Variants in CEMIP observed in about 807,000 individuals in gnomAD.
CEMIP encodes the protein cell migration inducing hyaluronidase 1.
Under a neutral mutation model 156.9 loss-of-function variants are expected in CEMIP, and 105 were observed. The ratio of observed to expected loss-of-function variants is 0.67; its 90% CI spans 0.57 to 0.79. The LOEUF (loss-of-function observed/expected upper bound fraction) is 0.79, where lower values mean the gene tolerates loss of function less well. Ranked by LOEUF, CEMIP falls within the 30% of genes least tolerant of loss-of-function variation. The probability of loss-of-function intolerance (pLI) is 0.00; values close to 1 mark genes in which losing one functional copy is unlikely to be tolerated. For synonymous variants in CEMIP, 676 were observed against 668.4 expected (o/e 1.01, Z -0.17); for missense variants, 1,457 against 1,769.4 (o/e 0.82, Z 3.17).
chr15:80,922,138 G>C lies in CEMIP; in HGVS notation c.2202+1G>C, dbSNP rs1002535316. The C allele has an allele frequency of 1.1e-5, 18 of 1,614,182 alleles. No homozygotes were observed. The highest frequency in any genetic ancestry group is 1.5e-5 in the Non-Finnish European group (18 of 1,179,998). ...CAACCGAGCACATTCCAACTACCGGGTAAGTCTTTCCAGGCTGCGCCTCTC... is the reference window on the plus strand; with the variant it reads ...CAACCGAGCACATTCCAACTACCGGCTAAGTCTTTCCAGGCTGCGCCTCTC... On this transcript the variant is annotated splice_donor_variant, in intron 17 of 29. Coordinates refer to ENST00000394685, the MANE Select transcript of CEMIP (RefSeq NM_001293298.2). LOFTEE classifies it high-confidence loss of function.
intron 17 of CEMIP, among the ~76,000 whole-genome samples, chr15:80,923,560 G>C (rs765951529): frequency 6.6e-6 from 1 of 152,178 alleles, no homozygotes; most frequent in African/African-American, 2.4e-5. Context: ...GCTCATGGGT[G>C]CAGGTGGGGA....
chr15:80,782,127 A>G (rs1157407217), intron 1 of CEMIP, among the ~76,000 whole-genome samples: 1 of 152,246 alleles, frequency 6.6e-6, no homozygotes, highest in Admixed American at 6.5e-5. Flanking sequence ...AGATAAAAGT[A>G]AGTTGTTTTC....
At chr15:80,782,647 C>A (rs1300759589) in intron 1 of CEMIP, among the ~76,000 whole-genome samples, 2 of 152,176 alleles carry the variant, frequency 1.3e-5, no homozygotes, top group Non-Finnish European at 2.9e-5. Flanking sequence ...GTTTTTATCC[C>A]TGTCAGTTTT....
At chr15:80,832,322 CTGTGTGTGTGTGTGTG>C (rs58855328) in intron 1 of CEMIP, among the ~76,000 whole-genome samples, 2 of 128,104 alleles carry the variant, frequency 1.6e-5, no homozygotes, top group East Asian at 4.6e-4. Context: ...AAAATAAACT[CTGTGTGTGTGTGTGTG>C]TGTGTGTGTG....
At chr15:80,790,325 G>A (rs12900963) in intron 1 of CEMIP, among the ~76,000 whole-genome samples, 184 of 152,264 alleles carry the variant, frequency 1.2e-3, no homozygotes, top group Admixed American at 3.3e-3. Flanking sequence ...TGTGTATTCT[G>A]CTCTGGTATT....
chr15:80,895,656 C>T (rs139251072), intron 11 of CEMIP, among the ~76,000 whole-genome samples: 7 of 152,206 alleles, frequency 4.6e-5, no homozygotes, highest in African/African-American at 1.2e-4. Flanking sequence ...AAAATTCCCC[C>T]GCCCAGAGCT....
chr15:80,882,644 G>A (rs1279481859), intron 6 of CEMIP, among the ~76,000 whole-genome samples: 1 of 152,194 alleles, frequency 6.6e-6, no homozygotes, highest in Admixed American at 6.5e-5. Context: ...GAGATGGCAA[G>A]GACAGAATGT....
intron 27 of CEMIP, 95 bp downstream of exon 27, chr15:80,942,432 G>A: frequency 1.8e-6 from 2 of 1,081,954 alleles, no homozygotes; most frequent in Non-Finnish European, 2.8e-6. Flanking sequence ...CAAACTGGGA[G>A]CAAGGTGTTG....
At chr15:80,793,580 G>A (rs1484225) in intron 1 of CEMIP, among the ~76,000 whole-genome samples, 6,672 of 152,184 alleles carry the variant, frequency 0.044, 497 homozygotes, top group African/African-American at 0.15. Context: ...TTTCTTGGGA[G>A]CATCGCTTCC....
At chr15:80,937,507 G>T (rs959177175) in intron 24 of CEMIP, among the ~76,000 whole-genome samples, 4 of 152,210 alleles carry the variant, frequency 2.6e-5, no homozygotes, top group African/African-American at 9.6e-5. Context: ...ACTACGAAAA[G>T]AATGTCTTTT....
Position 80,933,307 on chromosome 15 carries a change from G to C in CEMIP, c.2856G>C (p.Gly952=). Residue 952 remains glycine, a synonymous_variant, in exon 23 of 30, where the codon GGG becomes GGC. Coordinates refer to ENST00000394685, the MANE Select transcript of CEMIP (RefSeq NM_001293298.2). ...GPWFNQLDMD[G]DKTSVFHDVD... is the part of the protein sequence containing the mutation. ...GGTTCAACCAGCTGGACATGGATGG[G>C]GATAAGACATCTGTGTTCCATGACG... The C allele has an allele frequency of 6.2e-7, 1 of 1,614,166 alleles. No homozygotes were observed.
intron 1 of CEMIP, among the ~76,000 whole-genome samples, chr15:80,843,810 G>A (rs1359259671): frequency 1.3e-5 from 2 of 152,080 alleles, no homozygotes; most frequent in African/African-American, 4.8e-5. Flanking sequence ...GCCCCCAGCA[G>A]CCCACCCAGG....
chr15:80,876,362 C>T (rs955631462), intron 3 of CEMIP, among the ~76,000 whole-genome samples: 2 of 152,210 alleles, frequency 1.3e-5, no homozygotes, highest in African/African-American at 4.8e-5. Context: ...AGAGCCCACC[C>T]CACCACTGGC....
intron 7 of CEMIP, among the ~76,000 whole-genome samples, chr15:80,886,480 C>A (rs1043339242): frequency 1.3e-5 from 2 of 151,932 alleles, no homozygotes; most frequent in Admixed American, 1.3e-4. Context: ...GACAAGAGAT[C>A]AAAACAAGAA....
At chr15:80,901,812 C>T (rs1267216050) in intron 12 of CEMIP, among the ~76,000 whole-genome samples, 1 of 152,168 alleles carries the variant, frequency 6.6e-6, no homozygotes, top group Admixed American at 6.5e-5. Context: ...TAGAGCATTT[C>T]CTTCATCACA....
chr15:80,886,773 G>C (rs1169525292), intron 7 of CEMIP, among the ~76,000 whole-genome samples: 2 of 152,180 alleles, frequency 1.3e-5, no homozygotes, highest in Non-Finnish European at 2.9e-5. Context: ...AAATGTGGTA[G>C]GACAAGGGGC....
In CEMIP at chr15:80,836,643, C is replaced by T. The variant is rs112951246; in HGVS notation, c.-175-36895C>T. 6.8e-4 allele frequency among the ~76,000 whole-genome samples: 102 copies of T among 149,030 alleles called. 1 individual carries two copies. Among genetic ancestry groups the T allele is most frequent in the South Asian group, 2.1e-4 (1 of 4,792 alleles). On this transcript the variant is annotated intron_variant, in intron 1 of 29. Transcript: ENST00000394685. ...CCTGGATTTTCTGCCTCCTTACCTC[C>T]TGGGTTTTCTGCCTCCTTACCTCCT...
intron 10 of CEMIP, among the ~76,000 whole-genome samples, chr15:80,893,470 C>A (rs971784777): frequency 6.6e-6 from 1 of 152,282 alleles, no homozygotes; most frequent in Middle Eastern, 3.4e-3. Flanking sequence ...TGGAAAAAAT[C>A]TCCAGCCCCC....
chr15:80,801,076 C>T (rs1896363865), intron 1 of CEMIP, among the ~76,000 whole-genome samples: 1 of 152,260 alleles, frequency 6.6e-6, no homozygotes. Context: ...TCTGCTCAAT[C>T]ATCTAGCAAA....
Sources: gnomAD v4.1 joint callset for allele counts (sites outside exome capture counted in the v4.1 genomes callset) on GRCh38, gnomAD v4.1.1 for gene constraint, MANE v1.5 for transcripts, NCBI Gene and HGNC (gene_info 2026-07-23, HGNC 2026-07-21) for gene names.